The following ADAMTS13 variants were observed in gnomAD, a reference collection of about 807,000 sequenced individuals.
ADAMTS13 encodes the protein ADAM metallopeptidase with thrombospondin type 1 motif 13.
In ADAMTS13, 110 loss-of-function variants were observed where a neutral mutation model predicts 155.1. That is an observed-to-expected ratio of 0.71 (90% CI 0.61 to 0.83). The LOEUF (loss-of-function observed/expected upper bound fraction) is 0.83, where lower values mean the gene tolerates loss of function less well. Among genes scored for constraint, ADAMTS13 ranks in the 40% least tolerant of loss-of-function variants. The probability of loss-of-function intolerance (pLI) is 0.00; values close to 1 mark genes in which losing one functional copy is unlikely to be tolerated. For synonymous variants in ADAMTS13, 758 were observed against 756.4 expected (o/e 1.00, Z -0.03); for missense variants, 1,707 against 1,891.7 (o/e 0.90, Z 1.81).
Position 133,458,049 on chromosome 9 carries a change from C to T in ADAMTS13, c.3864C>T (p.Thr1288=), listed in dbSNP as rs1842844219. 2 of 1,613,348 alleles carry T rather than the reference C, an allele frequency of 1.2e-6. No individual in the cohort carries two copies. The highest frequency in any genetic ancestry group is 1.7e-5 in the Admixed American group (1 of 60,000). The change falls in exon 28 of 29, where the codon ACC becomes ACT. Residue 1288 remains threonine (T), a synonymous_variant. Coordinates refer to ENST00000355699, the MANE Select transcript of ADAMTS13 (RefSeq NM_139027.6). The part of the protein sequence containing the change: ...HARIAIHALA[T]NMGAGTEGAN... ...GGATTGCCATCCATGCCCTGGCCAC[C>T]AACATGGGCGCTGGGACCGAGGGAG...
At chr9:133,439,489 AAGGTG>A in intron 15 of ADAMTS13, 43 bp downstream of exon 15, 2 of 1,542,814 alleles carry the variant, frequency 1.3e-6, no homozygotes, top group Non-Finnish European at 1.8e-6. Context: ...CTAGACTGCA[AAGGTG>A]CAGAGCACTG....
At chr9:133,430,186 GA>G (rs1840647593) in intron 8 of ADAMTS13, 85 bp downstream of exon 8, 2 of 1,514,504 alleles carry the variant, frequency 1.3e-6, no homozygotes, top group Admixed American at 3.9e-5. Flanking sequence ...TGCATGGTGA[GA>G]ACCTGCTGGG....
At chr9:133,430,806 G>A (rs1840700182) in intron 8 of ADAMTS13, among the ~76,000 whole-genome samples, 1 of 147,646 alleles carries the variant, frequency 6.8e-6, no homozygotes, top group African/African-American at 2.5e-5. Flanking sequence ...GACTACAGGC[G>A]CCCGCCACCA....
rs1841563462 is a variant in ADAMTS13 at position 133,440,280 on chromosome 9, CAT to C, written c.1787-63_1787-62del. 1.2e-6 allele frequency: 2 copies of C among 1,603,938 alleles called. No homozygotes were observed. The highest frequency in any genetic ancestry group is 1.7e-5 in the Admixed American group (1 of 59,994). ...GGACCCCGGGAAGGAGAGTCACTGA[CAT>C]GTGCCTGTGAGGAGGATGGGTGCTC... On this transcript the variant is annotated intron_variant, in intron 15 of 28. Coordinates refer to ENST00000355699, the MANE Select transcript of ADAMTS13 (RefSeq NM_139027.6). The surrounding 1 kb of genome is among the most constrained non-coding windows in gnomAD (Gnocchi z 4.3).
In ADAMTS13 at chr9:133,440,593, T is replaced by TGTCTATCCATCCATTCCCTGATTCGTTC; in HGVS notation, c.1968+69_1968+96dup. On this transcript the variant is annotated intron_variant, in intron 16 of 28. Coordinates refer to ENST00000355699, the MANE Select transcript of ADAMTS13 (RefSeq NM_139027.6). This position sits in a 1 kb window ranked among gnomAD's most constrained non-coding sequence, Gnocchi z 4.3. ...TGGGGGCTATGGCTGCTTGCTCGTT[T>TGTCTATCCATCCATTCCCTGATTCGTTC]GTCTATCCATCCATTCCCTGATTCG... is the stretch of plus-strand genomic sequence containing the variant. 3 of 1,467,318 alleles carry TGTCTATCCATCCATTCCCTGATTCGTTC rather than the reference T, an allele frequency of 2.0e-6. No individual in the cohort carries two copies. In the Admixed American group the frequency reaches 6.7e-5, roughly 33 times the overall value. 90.9% of individuals were successfully genotyped at this position (1,467,318 alleles called of 1,614,324 possible). A position where few individuals can be genotyped will look rare whatever the true frequency, so the allele number is the denominator to read the frequency against.
rs782322129 is a variant in ADAMTS13 at position 133,429,989 on chromosome 9, C to A, written c.875C>A (p.Ser292Tyr). ...GACCCGCCGCGGCCTCAACCCGGGT[C>A]CGCGGGGCACCCGCCGGATGCGCAG... Reference protein sequence around the residue: ...VWDPPRPQPGSAGHPPDAQPG... With the variant: ...VWDPPRPQPGYAGHPPDAQPG... Residue 292 changes from serine to tyrosine, a missense_variant, in exon 8 of 29, where the codon TCC (serine) becomes TAC (tyrosine). Around this residue, in one of 3 missense-constraint regions of ADAMTS13, gnomAD observed 733 missense variants for 749.6 expected, o/e 0.98. Coordinates refer to ENST00000355699, the MANE Select transcript of ADAMTS13 (RefSeq NM_139027.6). The A allele has an allele frequency of 1.3e-6, 2 of 1,556,248 alleles. No individual in the cohort carries two copies. Among genetic ancestry groups the A allele is most frequent in the South Asian group, 1.2e-5 (1 of 86,486 alleles).
intron 23 of ADAMTS13, among the ~76,000 whole-genome samples, chr9:133,450,366 C>T (rs991185296): frequency 1.3e-5 from 2 of 151,560 alleles, no homozygotes; most frequent in Admixed American, 6.6e-5. Context: ...GTTGGGAGTT[C>T]GAGACCAGCC....
chr9:133,433,348 A>G, intron 9 of ADAMTS13, 30 bp from the exon 10 acceptor site: 1 of 1,611,296 alleles, frequency 6.2e-7, no homozygotes, highest in South Asian at 1.1e-5. Flanking sequence ...TCACTGTGGG[A>G]TGGGAGATGA....
chr9:133,429,083 C>T (rs1320052407), intron 7 of ADAMTS13, among the ~76,000 whole-genome samples: 2 of 150,530 alleles, frequency 1.3e-5, no homozygotes, highest in East Asian at 2.0e-4. Flanking sequence ...TCCTGACCCA[C>T]TCCTCCGTCC....
At chr9:133,433,572 A>AC in intron 10 of ADAMTS13, 43 bp downstream of exon 10, 1 of 1,613,638 alleles carries the variant, frequency 6.2e-7, no homozygotes, top group Non-Finnish European at 8.5e-7. Context: ...GTGTGGCCAT[A>AC]CCATAGTCCC....
At chr9:133,430,591 A>T (rs1840676018) in intron 8 of ADAMTS13, among the ~76,000 whole-genome samples, 2 of 152,182 alleles carry the variant, frequency 1.3e-5, no homozygotes, top group South Asian at 4.1e-4. Context: ...TTTTGCCTTG[A>T]TGGGCCCCTT....
Position 133,459,254 on chromosome 9 carries a change from G to C in ADAMTS13, c.*74G>C. On this transcript the variant is annotated 3_prime_UTR_variant, in exon 29 of 29. Transcript: ENST00000355699. ...CCCTGGTCTCAGTGCTTTCCAATTC[G>C]AACTTTTTCCAATCTTAGGTATCTA... The C allele has an allele frequency of 7.0e-7, 1 of 1,433,422 alleles. No homozygotes were observed. The highest frequency in any genetic ancestry group is 9.6e-7 in the Non-Finnish European group (1 of 1,041,958). 88.8% of individuals were successfully genotyped at this position (1,433,422 alleles called of 1,614,324 possible).
At chr9:133,419,726 G>A (rs1322462022), upstream of ADAMTS13, among the ~76,000 whole-genome samples, 8 of 152,198 alleles carry the variant, frequency 5.3e-5, no homozygotes, top group East Asian at 7.7e-4. Context: ...CAAGTCCACC[G>A]AAAAGGGTTT....
intron 6 of ADAMTS13, among the ~76,000 whole-genome samples, chr9:133,427,610 A>G (rs7871618): frequency 0.099 from 15,001 of 152,058 alleles, 804 homozygotes; most frequent in African/African-American, 0.14. Flanking sequence ...TTAGCCTGGG[A>G]GGGTTCTTGG....
intron 6 of ADAMTS13, among the ~76,000 whole-genome samples, chr9:133,426,764 C>G (rs587658014): frequency 6.6e-6 from 1 of 151,986 alleles, no homozygotes; most frequent in South Asian, 2.1e-4. Flanking sequence ...TGTGATTATG[C>G]TGTGCATTGC....
At position 133,445,564 on chromosome 9, in the gene ADAMTS13, G is replaced by A. The variant is rs1842002420; in HGVS notation, c.2611-135G>A. The A allele has an allele frequency of 4.3e-6, 6 of 1,393,640 alleles. No homozygotes were observed. The highest frequency in any genetic ancestry group is 5.0e-6 in the Non-Finnish European group (5 of 997,372). The allele number at this position is 1,393,640 out of a possible 1,614,324, so 86.3% of individuals were successfully genotyped here. A position where few individuals can be genotyped will look rare whatever the true frequency, so the allele number is the denominator to read the frequency against. ...AGACCGGGGAGCCGATCTCGCCAAG[G>A]GAGGAGGGGAGGGAGCCCCTGGTGC... On this transcript the variant is annotated intron_variant, in intron 20 of 28. Transcript: ENST00000355699. The surrounding 1 kb of genome is among the most constrained non-coding windows in gnomAD (Gnocchi z 5.0).
intron 7 of ADAMTS13, among the ~76,000 whole-genome samples, chr9:133,429,210 C>T (rs1840532264): frequency 9.3e-6 from 1 of 107,686 alleles, no homozygotes; most frequent in African/African-American, 3.9e-5. Flanking sequence ...CCCTGCACCT[C>T]CCCCCGTGCT....
At chr9:133,432,344 AG>A (rs1207629813) in intron 8 of ADAMTS13, among the ~76,000 whole-genome samples, 3 of 152,210 alleles carry the variant, frequency 2.0e-5, no homozygotes, top group Non-Finnish European at 4.4e-5. Context: ...AAGGAAAAAA[AG>A]AAAAAAGACA....
At chr9:133,414,549 G>A (rs782335227) in exon 1 of ADAMTS13, 34 of 911,320 alleles carry the variant, frequency 3.7e-5, no homozygotes, top group Admixed American at 1.4e-4. Flanking sequence ...AGGAACAGAC[G>A]ACATCAGGGT....
Sources: allele counts gnomAD v4.1 joint callset (sites outside exome capture counted in the v4.1 genomes callset), GRCh38; gene constraint gnomAD v4.1.1; regional missense constraint gnomAD v4.1.1; non-coding constraint Gnocchi (gnomAD v3.1); transcripts MANE v1.5; gene names NCBI Gene and HGNC (gene_info 2026-07-23, HGNC 2026-07-21).